The following PLCB1 variants were observed in gnomAD, a reference collection of about 807,000 sequenced individuals.
The protein encoded by PLCB1 is phospholipase C beta 1.
Under a neutral mutation model 161.8 loss-of-function variants are expected in PLCB1, and 46 were observed. The observed-to-expected ratio is 0.28, with a 90% CI of 0.22 to 0.36. The LOEUF is 0.36. Among genes scored for constraint, PLCB1 ranks in the 10% least tolerant of loss-of-function variants. The pLI is 1.00. For missense variants in PLCB1, 1,016 were observed against 1,472.5 expected, an observed-to-expected ratio of 0.69 and a Z score of 5.07; for synonymous variants, 517 against 503.7, an observed-to-expected ratio of 1.03 and a Z score of -0.35.
At chr20:8,848,243 A>G (rs1045532172) in intron 31 of PLCB1, among the ~76,000 whole-genome samples, 12 of 152,212 alleles carry the variant, frequency 7.9e-5, no homozygotes, top group African/African-American at 2.9e-4. Context: ...ACATGAGCTT[A>G]TGATCCTACG....
chr20:8,489,053 G>A (rs1035779798), intron 3 of PLCB1, among the ~76,000 whole-genome samples: 15 of 152,172 alleles, frequency 9.9e-5, no homozygotes, highest in Non-Finnish European at 1.5e-5. Context: ...CTGATAAGCA[G>A]TATTTACAAC....
chr20:8,200,637 T>C (rs912158565), intron 2 of PLCB1, among the ~76,000 whole-genome samples: 1 of 151,996 alleles, frequency 6.6e-6, no homozygotes, highest in African/African-American at 2.4e-5. Flanking sequence ...ATTTTAATAG[T>C]TTTTTTCTGA....
chr20:8,707,804 T>C (rs371952232), intron 11 of PLCB1, among the ~76,000 whole-genome samples: 19 of 152,322 alleles, frequency 1.2e-4, no homozygotes, highest in East Asian at 9.6e-4. Flanking sequence ...TTTGTACATA[T>C]ATTGAAACTT....
intron 4 of PLCB1, among the ~76,000 whole-genome samples, chr20:8,629,982 C>CT (rs11476025): frequency 1.7e-5 from 1 of 58,552 alleles, no homozygotes; most frequent in Non-Finnish European, 3.2e-5. Flanking sequence ...TTCTTTCTTT[C>CT]TTTCTTTCTT....
chr20:8,621,688 C>G (rs1186048174), intron 3 of PLCB1, among the ~76,000 whole-genome samples: 1 of 152,168 alleles, frequency 6.6e-6, no homozygotes, highest in Non-Finnish European at 1.5e-5. Flanking sequence ...GCCAATTGAA[C>G]TATTTGCACT....
At chr20:8,212,747 C>T (rs765889042) in intron 2 of PLCB1, among the ~76,000 whole-genome samples, 40 of 152,108 alleles carry the variant, frequency 2.6e-4, no homozygotes, top group Non-Finnish European at 5.1e-4. Flanking sequence ...ATTTGCCTCT[C>T]GAAGGACATT....
At chr20:8,342,166 T>C (rs1985832186) in intron 2 of PLCB1, among the ~76,000 whole-genome samples, 1 of 152,178 alleles carries the variant, frequency 6.6e-6, no homozygotes, top group Non-Finnish European at 1.5e-5. Context: ...AAGCAGTAAA[T>C]AGATCACACA....
chr20:8,829,050 A>G (rs1010060898), intron 31 of PLCB1, among the ~76,000 whole-genome samples: 7 of 152,216 alleles, frequency 4.6e-5, no homozygotes, highest in Admixed American at 1.3e-4. Context: ...TAAAGCAAGT[A>G]TGGTGAAATG....
At chr20:8,182,516 G>T (rs1429508581) in intron 2 of PLCB1, among the ~76,000 whole-genome samples, 1 of 151,944 alleles carries the variant, frequency 6.6e-6, no homozygotes, top group African/African-American at 2.4e-5. Context: ...GAAAAGAGAC[G>T]AGTCATCCTA....
chr20:8,338,269 C>T (rs1158782062), intron 2 of PLCB1, among the ~76,000 whole-genome samples: 1 of 152,104 alleles, frequency 6.6e-6, no homozygotes, highest in South Asian at 2.1e-4. Flanking sequence ...GAGTTTTGCA[C>T]ATTCATAAGG....
At chr20:8,754,903 A>G (rs573727061) in intron 23 of PLCB1, among the ~76,000 whole-genome samples, 1 of 152,338 alleles carries the variant, frequency 6.6e-6, no homozygotes, top group Admixed American at 6.5e-5. Flanking sequence ...TTGCTGAACA[A>G]CACATACACA....
chr20:8,706,667 A>C (rs892910780), intron 11 of PLCB1, among the ~76,000 whole-genome samples: 1 of 152,128 alleles, frequency 6.6e-6, no homozygotes, highest in African/African-American at 2.4e-5. Context: ...GCTGGCTAAG[A>C]TTATTAGCTG....
rs571450353 is a variant in PLCB1 at position 8,733,650 on chromosome 20, G to T, written c.2043+258G>T. 1.1e-4 allele frequency among the ~76,000 whole-genome samples: 16 copies of T among 149,728 alleles called. No homozygotes were observed. In the South Asian group the frequency reaches 1.7e-3, roughly 16 times the overall value. The stretch of plus-strand genomic sequence containing the variant: ...TCTGGGGACTGTTGTGGGGTGGGGG[G>T]AGCGGGGAGGGATAGCATTAGGAGA... On this transcript the variant is annotated intron_variant, in intron 19 of 31. Transcript: ENST00000338037.
intron 3 of PLCB1, among the ~76,000 whole-genome samples, chr20:8,481,906 C>G (rs1382691318): frequency 2.6e-4 from 39 of 151,874 alleles, no homozygotes; most frequent in Non-Finnish European, 1.5e-5. Context: ...GAATATCTCT[C>G]TCCTATGACA....
chr20:8,142,222 G>A (rs959766146), intron 1 of PLCB1, among the ~76,000 whole-genome samples: 15 of 152,162 alleles, frequency 9.9e-5, no homozygotes, highest in African/African-American at 3.1e-4. Context: ...GTTCACACAG[G>A]GGAGTGTGCA....
intron 3 of PLCB1, among the ~76,000 whole-genome samples, chr20:8,538,493 G>T (rs1985141896): frequency 6.6e-6 from 1 of 151,978 alleles, no homozygotes; most frequent in Non-Finnish European, 1.5e-5. Context: ...AGGACCACAG[G>T]TTATGCCACA....
chr20:8,188,545 C>T (rs2051931446), intron 2 of PLCB1, among the ~76,000 whole-genome samples: 1 of 152,064 alleles, frequency 6.6e-6, no homozygotes, highest in African/African-American at 2.4e-5. Context: ...AAAAGAGGAG[C>T]AATGTGGATT....
chr20:8,357,111 T>C (rs1986386555), intron 2 of PLCB1, among the ~76,000 whole-genome samples: 2 of 152,328 alleles, frequency 1.3e-5, no homozygotes, highest in Admixed American at 1.3e-4. Flanking sequence ...TTATGAATTA[T>C]TTATTAAGAA....
intron 3 of PLCB1, among the ~76,000 whole-genome samples, chr20:8,481,732 C>G (rs1982505958): frequency 6.6e-6 from 1 of 152,152 alleles, no homozygotes; most frequent in Non-Finnish European, 1.5e-5. Flanking sequence ...CTGTCCTTCA[C>G]CTGAATAATA....
Sources: allele counts gnomAD v4.1 joint callset (sites outside exome capture counted in the v4.1 genomes callset), GRCh38; gene constraint gnomAD v4.1.1; transcripts MANE v1.5; gene names NCBI Gene and HGNC (gene_info 2026-07-23, HGNC 2026-07-21).